CTDSPL: variants seen among roughly 807,000 people sequenced by gnomAD.
CTDSPL encodes CTD small phosphatase like.
Under a neutral mutation model 30.5 loss-of-function variants are expected in CTDSPL, and 8 were observed. The observed-to-expected ratio is 0.26, with a 90% CI of 0.15 to 0.47. CTDSPL has a LOEUF of 0.47. Among genes scored for constraint, CTDSPL ranks in the 20% least tolerant of loss-of-function variants. The pLI is 0.99. For missense variants in CTDSPL, 248 were observed against 366.1 expected (o/e 0.68, Z 2.63); for synonymous variants, 110 against 137.9 (o/e 0.80, Z 1.42).
intron 1 of CTDSPL, among the ~76,000 whole-genome samples, chr3:37,880,534 A>T (rs1226057266): frequency 6.6e-6 from 1 of 152,190 alleles, no homozygotes; most frequent in Non-Finnish European, 1.5e-5. Context: ...TTTGTTGTTT[A>T]TAGAACAAAT....
At chr3:37,933,032 A>G (rs1260896543) in intron 1 of CTDSPL, among the ~76,000 whole-genome samples, 1 of 152,012 alleles carries the variant, frequency 6.6e-6, no homozygotes, top group Non-Finnish European at 1.5e-5. Context: ...GGGCACGTGT[A>G]ATCCCAGCTA....
In CTDSPL at chr3:37,905,032, G is replaced by A. The variant is rs148006320; in HGVS notation, c.80-42025G>A. On this transcript the variant is annotated intron_variant, in intron 1 of 7. Transcript: ENST00000273179. ...TGATTTGACCCCCCGCTGCCTCTCCGAGTCTTGTTACACTTTGTACTGCCC... is the reference window on the plus strand; with the variant it reads ...TGATTTGACCCCCCGCTGCCTCTCCAAGTCTTGTTACACTTTGTACTGCCC... 3.8e-3 allele frequency among the ~76,000 whole-genome samples: 585 copies of A among 152,288 alleles called. 21 individuals carry two copies. In the South Asian group the frequency reaches 0.076, roughly 20 times the overall value.
At position 37,862,312 on chromosome 3, in the gene CTDSPL, G is replaced by A. The variant is rs1414868674; in HGVS notation, c.79+34G>A. 4.1e-6 allele frequency: 6 copies of A among 1,450,256 alleles called. No homozygotes were observed. The highest frequency in any genetic ancestry group is 5.4e-6 in the Non-Finnish European group (6 of 1,103,198). The allele number at this position is 1,450,256 out of a possible 1,614,324, so 89.8% of individuals were successfully genotyped here. On this transcript the variant is annotated intron_variant, in intron 1 of 7. Transcript: ENST00000273179. The surrounding 1 kb of genome is among the most constrained non-coding windows in gnomAD (Gnocchi z 4.3). ...GGGCGCAGGCGGCCGCGGGCTGGGG[G>A]CGAGCGCACACCCCGCGCCGCTGGA...
intron 3 of CTDSPL, 31 bp downstream of exon 3, chr3:37,957,174 A>G (rs746042018): frequency 1.4e-6 from 2 of 1,477,890 alleles, no homozygotes; most frequent in African/African-American, 2.9e-5. Context: ...TTATTTATTA[A>G]AACAGTCATA....
rs2125584563 is a variant in CTDSPL at position 37,862,166 on chromosome 3, C to T, written c.-34C>T. ...CCCCGCGCGCTTGGCTTGCGGGGGG[C>T]CGGGCCTGCGGGCGGCCGCCGCGCC... On this transcript the variant is annotated 5_prime_UTR_variant, in exon 1 of 8. Coordinates refer to ENST00000273179, the MANE Select transcript of CTDSPL (RefSeq NM_001008392.2). The surrounding 1 kb of genome is among the most constrained non-coding windows in gnomAD (Gnocchi z 4.3). 8.5e-6 allele frequency: 9 copies of T among 1,053,712 alleles called. No individual in the cohort carries two copies. The highest frequency in any genetic ancestry group is 1.0e-5 in the Non-Finnish European group (9 of 872,656). The allele number at this position is 1,053,712 out of a possible 1,614,324, so 65.3% of individuals were successfully genotyped here.
chr3:37,945,524 A>G (rs1268896248), intron 1 of CTDSPL, among the ~76,000 whole-genome samples: 2 of 152,226 alleles, frequency 1.3e-5, no homozygotes, highest in Non-Finnish European at 2.9e-5. Context: ...CTTGGTAAAC[A>G]GTGATTATTA....
intron 7 of CTDSPL, among the ~76,000 whole-genome samples, chr3:37,976,625 C>T (rs371730300): frequency 2.7e-5 from 4 of 147,970 alleles, no homozygotes; most frequent in Middle Eastern, 3.5e-3. Flanking sequence ...ATGGAGACTC[C>T]GTCTCAAAAA....
chr3:37,964,016 T>A (rs145724672), intron 3 of CTDSPL, among the ~76,000 whole-genome samples: 2 of 100,704 alleles, frequency 2.0e-5, no homozygotes, highest in Admixed American at 1.5e-4. Context: ...TCAAGTTTTT[T>A]AAAAATCTCA....
intron 2 of CTDSPL, among the ~76,000 whole-genome samples, chr3:37,950,867 C>G (rs1699098574): frequency 6.6e-6 from 1 of 152,044 alleles, no homozygotes; most frequent in Admixed American, 6.5e-5. Context: ...TCAGACTTCT[C>G]ATCAGCAACA....
At chr3:37,881,755 A>G (rs924054155) in intron 1 of CTDSPL, among the ~76,000 whole-genome samples, 4 of 151,784 alleles carry the variant, frequency 2.6e-5, no homozygotes, top group African/African-American at 4.8e-5. Context: ...ATGGATATAT[A>G]TGTGTGTTGA....
Position 37,862,387 on chromosome 3 carries a change from CG to C in CTDSPL, c.79+111del, listed in dbSNP as rs1697952951. ...GCCTGGGGGAGGGGTGCACAGGGCCCGGAGGGTGCGTGGGTGTGGGGTGCGC... is the reference window on the plus strand; with the variant it reads ...GCCTGGGGGAGGGGTGCACAGGGCCCGAGGGTGCGTGGGTGTGGGGTGCGC... On this transcript the variant is annotated intron_variant, in intron 1 of 7. Transcript: ENST00000273179. The surrounding 1 kb of genome is among the most constrained non-coding windows in gnomAD (Gnocchi z 4.3). The C allele has an allele frequency of 1.1e-6, 1 of 911,718 alleles. No homozygotes were observed. Among genetic ancestry groups the C allele is most frequent in the Non-Finnish European group, 1.5e-6 (1 of 687,292 alleles). The allele number at this position is 911,718 out of a possible 1,614,324, so 56.5% of individuals were successfully genotyped here.
At chr3:37,871,913 A>G (rs1448755450) in intron 1 of CTDSPL, among the ~76,000 whole-genome samples, 1 of 152,054 alleles carries the variant, frequency 6.6e-6, no homozygotes, top group African/African-American at 2.4e-5. Flanking sequence ...GAGCACATCC[A>G]CTGAGATTTT....
In CTDSPL at chr3:37,871,524, A is replaced by G. The variant is rs115608760; in HGVS notation, c.79+9246A>G. Among the ~76,000 whole-genome samples the G allele has an allele frequency of 5.9e-3, 906 of 152,312 alleles. 2 individuals carry two copies. The highest frequency in any genetic ancestry group is 9.6e-3 in the Non-Finnish European group (653 of 68,020). On this transcript the variant is annotated intron_variant, in intron 1 of 7. Coordinates refer to ENST00000273179, the MANE Select transcript of CTDSPL (RefSeq NM_001008392.2). ...TAAGAGTATTTTGTTGTTTTGTAAG[A>G]AACTGCCAAACTGTGTTCCAAAGTG...
intron 1 of CTDSPL, among the ~76,000 whole-genome samples, chr3:37,897,480 A>G (rs920489654): frequency 1.3e-5 from 2 of 152,192 alleles, no homozygotes; most frequent in Admixed American, 6.5e-5. Flanking sequence ...TTAAAATTTT[A>G]TGGGACAGTA....
chr3:37,926,881 C>T (rs538823205), intron 1 of CTDSPL, among the ~76,000 whole-genome samples: 7 of 152,126 alleles, frequency 4.6e-5, no homozygotes, highest in African/African-American at 1.2e-4. Context: ...TCCCACAGGA[C>T]GATGATCATA....
Position 37,982,305 on chromosome 3 carries a change from C to CA in CTDSPL, c.*1439dup. ...CCAAACCAGGGAGAGGAAGAGCTCC[C>CA]ACAGGGAGAGCCCAGGCTCTCTTTG... is the stretch of plus-strand genomic sequence containing the variant. On this transcript the variant is annotated 3_prime_UTR_variant, in exon 8 of 8. Transcript: ENST00000273179. 3.0e-6 allele frequency: 1 copy of CA among 335,234 alleles called. No homozygotes were observed. The highest frequency in any genetic ancestry group is 5.9e-6 in the Non-Finnish European group (1 of 170,220). 20.8% of individuals were successfully genotyped at this position (335,234 alleles called of 1,614,324 possible). A position where few individuals can be genotyped will look rare whatever the true frequency, so the allele number is the denominator to read the frequency against.
Position 37,982,698 on chromosome 3 carries a change from T to C in CTDSPL, c.*1831T>C. 2.2e-6 allele frequency: 1 copy of C among 455,442 alleles called. No homozygotes were observed. Among genetic ancestry groups the C allele is most frequent in the South Asian group, 1.6e-5 (1 of 64,508 alleles). 28.2% of individuals were successfully genotyped at this position (455,442 alleles called of 1,614,324 possible). A position where few individuals can be genotyped will look rare whatever the true frequency, so the allele number is the denominator to read the frequency against. On this transcript the variant is annotated 3_prime_UTR_variant, in exon 8 of 8. Coordinates refer to ENST00000273179, the MANE Select transcript of CTDSPL (RefSeq NM_001008392.2). Reference sequence around the variant, plus strand: ...CAGCATTCTGAGTGTTCCAAACCAGTAATCCACATGCCAATTCAAATAGAA... The same window carrying C: ...CAGCATTCTGAGTGTTCCAAACCAGCAATCCACATGCCAATTCAAATAGAA...
At chr3:37,971,262 G>A in intron 5 of CTDSPL, 145 bp from the exon 6 acceptor site, 2 of 692,878 alleles carry the variant, frequency 2.9e-6, no homozygotes, top group Non-Finnish European at 5.0e-6. Flanking sequence ...CCCTCATACA[G>A]TCTAGGCCTC....
chr3:37,924,782 G>A (rs546235049), intron 1 of CTDSPL, among the ~76,000 whole-genome samples: 67 of 152,260 alleles, frequency 4.4e-4, no homozygotes, highest in African/African-American at 1.6e-3. Context: ...ACCCAGTGCC[G>A]ATGGTAGGAA....
Sources: allele counts gnomAD v4.1 joint callset (sites outside exome capture counted in the v4.1 genomes callset), GRCh38; gene constraint gnomAD v4.1.1; non-coding constraint Gnocchi (gnomAD v3.1); transcripts MANE v1.5; gene names NCBI Gene and HGNC (gene_info 2026-07-23, HGNC 2026-07-21).